The following ROR2 variants were observed in gnomAD, a reference collection of about 807,000 sequenced individuals.
The protein encoded by ROR2 is tyrosine-protein kinase transmembrane receptor ROR2.
ROR2 carries 33 observed loss-of-function variants against 74.9 expected under a neutral mutation model. The ratio of observed to expected loss-of-function variants is 0.44; its 90% confidence interval spans 0.33 to 0.59. The LOEUF (loss-of-function observed/expected upper bound fraction) is 0.59. Among genes scored for constraint, ROR2 ranks in the 20% least tolerant of loss-of-function variants. The pLI is 0.02. For synonymous variants in ROR2, 586 were observed against 558.7 expected (o/e 1.05, Z -0.69); for missense variants, 1,216 against 1,313.8 (o/e 0.93, Z 1.15).
chr9:91,915,671 G>A (rs925569282), intron 1 of ROR2, among the ~76,000 whole-genome samples: 3 of 152,256 alleles, frequency 2.0e-5, no homozygotes, highest in Non-Finnish European at 4.4e-5. Flanking sequence ...GAGGTGGCCA[G>A]CTTTTATTCC....
intron 1 of ROR2, among the ~76,000 whole-genome samples, chr9:91,846,003 C>T (rs1460538260): frequency 1.3e-5 from 2 of 151,864 alleles, no homozygotes; most frequent in Non-Finnish European, 1.5e-5. Flanking sequence ...AGAAGCAATC[C>T]CATGGTGGTT....
chr9:91,858,475 G>GAGC (rs775407154), intron 1 of ROR2, among the ~76,000 whole-genome samples: 90 of 152,280 alleles, frequency 5.9e-4, no homozygotes, highest in Non-Finnish European at 7.9e-4. Context: ...GCCCAATGAG[G>GAGC]AGCAGCGGCT....
intron 1 of ROR2, among the ~76,000 whole-genome samples, chr9:91,896,143 T>C (rs1830533563): frequency 6.6e-6 from 1 of 152,212 alleles, no homozygotes; most frequent in Non-Finnish European, 1.5e-5. Flanking sequence ...CCAAAATCTG[T>C]CTTCCTTCCT....
chr9:91,911,447 T>C (rs1461394640), intron 1 of ROR2, among the ~76,000 whole-genome samples: 1 of 152,184 alleles, frequency 6.6e-6, no homozygotes, highest in East Asian at 1.9e-4. Context: ...GCAGTTAAAA[T>C]ATGATATAAT....
chr9:91,804,547 G>A (rs1827490970), intron 1 of ROR2, among the ~76,000 whole-genome samples: 1 of 152,206 alleles, frequency 6.6e-6, no homozygotes, highest in Non-Finnish European at 1.5e-5. Context: ...AGAGAAAGGC[G>A]GCTCACATGG....
intron 1 of ROR2, among the ~76,000 whole-genome samples, chr9:91,889,191 G>A (rs1028618649): frequency 6.6e-6 from 1 of 152,200 alleles, no homozygotes; most frequent in African/African-American, 2.4e-5. Flanking sequence ...CTGGTACCAA[G>A]GAAGGAGCAA....
At chr9:91,769,184 T>G (rs1386139573) in intron 2 of ROR2, among the ~76,000 whole-genome samples, 1 of 152,114 alleles carries the variant, frequency 6.6e-6, no homozygotes, top group African/African-American at 2.4e-5. Context: ...CCTCCCCATG[T>G]CATCCTGGAG....
intron 1 of ROR2, among the ~76,000 whole-genome samples, chr9:91,886,456 G>C (rs966524477): frequency 6.6e-6 from 1 of 152,012 alleles, no homozygotes; most frequent in African/African-American, 2.4e-5. Flanking sequence ...ACCGCGATCT[G>C]TCTACACCAG....
At chr9:91,949,230 G>A (rs1587870258) in intron 1 of ROR2, among the ~76,000 whole-genome samples, 7 of 151,838 alleles carry the variant, frequency 4.6e-5, no homozygotes. Context: ...CCCCAGAGCG[G>A]TGGGGGAGAG....
At chr9:91,848,267 G>A (rs1828985405) in intron 1 of ROR2, among the ~76,000 whole-genome samples, 1 of 152,178 alleles carries the variant, frequency 6.6e-6, no homozygotes, top group Non-Finnish European at 1.5e-5. Flanking sequence ...AGTATTAACA[G>A]TGAAGCATGG....
chr9:91,888,971 TTTTC>T (rs1424838058), intron 1 of ROR2, among the ~76,000 whole-genome samples: 1 of 152,202 alleles, frequency 6.6e-6, no homozygotes, highest in African/African-American at 2.4e-5. Flanking sequence ...CTCTCCCATT[TTTTC>T]TTTGCTTTCT....
At chr9:91,944,251 C>T (rs1282272008) in intron 1 of ROR2, among the ~76,000 whole-genome samples, 1 of 152,102 alleles carries the variant, frequency 6.6e-6, no homozygotes, top group African/African-American at 2.4e-5. Flanking sequence ...TGTATCTAAC[C>T]ATATAAAAGG....
chr9:91,786,686 A>C (rs1826815517), intron 1 of ROR2, among the ~76,000 whole-genome samples: 1 of 152,166 alleles, frequency 6.6e-6, no homozygotes, highest in African/African-American at 2.4e-5. Context: ...CTGGACTTGC[A>C]GCACTCTGGG....
At chr9:91,727,367 A>C (rs936171360) in intron 7 of ROR2, among the ~76,000 whole-genome samples, 7 of 152,028 alleles carry the variant, frequency 4.6e-5, no homozygotes, top group African/African-American at 1.7e-4. Flanking sequence ...AGCACTGGGT[A>C]CCAAGATTCA....
At chr9:91,922,125 AAAC>A (rs778271624) in intron 1 of ROR2, among the ~76,000 whole-genome samples, 51 of 140,046 alleles carry the variant, frequency 3.6e-4, no homozygotes, top group Non-Finnish European at 3.9e-4. Context: ...CAACAACAAC[AAAC>A]AACAACAACA....
intron 1 of ROR2, among the ~76,000 whole-genome samples, chr9:91,851,847 G>C (rs572605805): frequency 6.6e-6 from 1 of 151,802 alleles, no homozygotes; most frequent in Non-Finnish European, 1.5e-5. Flanking sequence ...GTGGTAGTGC[G>C]CGCCTGTAAT....
At chr9:91,817,993 G>A (rs993368290) in intron 1 of ROR2, among the ~76,000 whole-genome samples, 6 of 152,134 alleles carry the variant, frequency 3.9e-5, no homozygotes, top group Non-Finnish European at 7.3e-5. Flanking sequence ...TGCAACTTAC[G>A]AAGCATTTCC....
intron 1 of ROR2, among the ~76,000 whole-genome samples, chr9:91,874,707 G>A (rs1020250259): frequency 1.3e-5 from 2 of 152,158 alleles, no homozygotes; most frequent in East Asian, 1.9e-4. Flanking sequence ...AGGCCGAGGT[G>A]GGTGGATCAC....
chr9:91,819,106 T>C (rs1449817024), intron 1 of ROR2, among the ~76,000 whole-genome samples: 2 of 152,114 alleles, frequency 1.3e-5, no homozygotes, highest in Admixed American at 6.5e-5. Context: ...ATGGCCACAG[T>C]GGCGTGAATG....
Sources: gnomAD v4.1 joint callset for allele counts (sites outside exome capture counted in the v4.1 genomes callset) on GRCh38, gnomAD v4.1.1 for gene constraint, MANE v1.5 for transcripts, NCBI Gene and HGNC (gene_info 2026-07-23, HGNC 2026-07-21) for gene names.